Variants in ACP3 observed in about 807,000 individuals in gnomAD.
The protein encoded by ACP3 is acid phosphatase 3.
A neutral mutation model predicts 45.6 loss-of-function variants in ACP3; 38 were observed. The observed-to-expected ratio is 0.83, with a 90% confidence interval of 0.64 to 1.09. ACP3 has a LOEUF of 1.09. Among genes scored for constraint, ACP3 ranks in the 50% least tolerant of loss-of-function variants. The probability of loss-of-function intolerance (pLI) is 0.00; values close to 1 mark genes in which losing one functional copy is unlikely to be tolerated. For missense variants in ACP3, 466 were observed against 463.2 expected (o/e 1.01, Z -0.05); for synonymous variants, 162 against 164.7 (o/e 0.98, Z 0.13).
intron 7 of ACP3, 32 bp from the exon 8 acceptor site, chr3:132,349,888 T>C (rs1285760462): frequency 8.1e-6 from 12 of 1,477,776 alleles, no homozygotes; most frequent in Non-Finnish European, 1.0e-5. Context: ...TTATGTTTGG[T>C]TCAGTTTGGT....
chr3:132,361,619 T>C (rs2107822976), downstream of ACP3, among the ~76,000 whole-genome samples: 1 of 152,360 alleles, frequency 6.6e-6, no homozygotes, highest in East Asian at 1.9e-4. Flanking sequence ...TCAGTGTTTC[T>C]TGGTAAATGT....
At chr3:132,327,221 G>T (rs769519504) in intron 1 of ACP3, among the ~76,000 whole-genome samples, 8 of 152,154 alleles carry the variant, frequency 5.3e-5, no homozygotes, top group Non-Finnish European at 1.0e-4. Flanking sequence ...TATTTTTATT[G>T]TATATAAAAT....
At chr3:132,350,106 A>T in intron 8 of ACP3, 104 bp downstream of exon 8, 1 of 760,856 alleles carries the variant, frequency 1.3e-6, no homozygotes. Flanking sequence ...ATCTCCTTGT[A>T]CGTGGTAGGC....
chr3:132,360,905 A>G (rs1938028998), downstream of ACP3, among the ~76,000 whole-genome samples: 1 of 152,180 alleles, frequency 6.6e-6, no homozygotes, highest in Admixed American at 6.5e-5. Context: ...CCTTCAATCA[A>G]TATTTGCTAA....
At chr3:132,335,558 A>G (rs2107801557) in intron 4 of ACP3, among the ~76,000 whole-genome samples, 1 of 152,358 alleles carries the variant, frequency 6.6e-6, no homozygotes, top group South Asian at 2.1e-4. Flanking sequence ...TTTATATTTT[A>G]TAGGAAATAG....
chr3:132,350,822 G>A (rs775616923), intron 8 of ACP3, among the ~76,000 whole-genome samples: 4 of 152,190 alleles, frequency 2.6e-5, no homozygotes, highest in Non-Finnish European at 5.9e-5. Flanking sequence ...GGAGTGACAG[G>A]ATAGGAGCAG....
chr3:132,349,614 G>A (rs766857178), intron 7 of ACP3, among the ~76,000 whole-genome samples: 19 of 152,052 alleles, frequency 1.2e-4, no homozygotes, highest in Admixed American at 2.6e-4. Flanking sequence ...AACAAAACCC[G>A]GTATGGTAGA....
Position 132,351,093 on chromosome 3 carries a change from G to C in ACP3, c.864+1091G>C, listed in dbSNP as rs573188713. 1.4e-4 allele frequency among the ~76,000 whole-genome samples: 22 copies of C among 152,286 alleles called. No individual in the cohort carries two copies. In the East Asian group the frequency reaches 4.3e-3, roughly 29 times the overall value. Reference sequence around the variant, plus strand: ...TTTCAGTTTTCAGTGGCAGGAAGGAGGTGGTCTTGGGCCAGGCAAATGTAC... The same window carrying C: ...TTTCAGTTTTCAGTGGCAGGAAGGACGTGGTCTTGGGCCAGGCAAATGTAC... On this transcript the variant is annotated intron_variant, in intron 8 of 9. Coordinates refer to ENST00000336375, the MANE Select transcript of ACP3 (RefSeq NM_001099.5).
intron 1 of ACP3, among the ~76,000 whole-genome samples, chr3:132,324,193 G>C (rs565383677): frequency 4.0e-5 from 6 of 150,204 alleles, no homozygotes; most frequent in Admixed American, 6.6e-5. Flanking sequence ...ACTCCAGCCT[G>C]GGCAACAAGA....
At chr3:132,355,240 G>T (rs1008820207) in intron 9 of ACP3, among the ~76,000 whole-genome samples, 12 of 152,158 alleles carry the variant, frequency 7.9e-5, no homozygotes, top group African/African-American at 2.9e-4. Flanking sequence ...CTTTCTACTG[G>T]CTAAATTAGT....
chr3:132,332,266 A>G lies in ACP3; in HGVS notation c.378A>G (p.Pro126=), dbSNP rs149409115. 235 of 1,614,152 alleles carry G rather than the reference A, an allele frequency of 1.5e-4. No homozygotes were observed. The East Asian group carries it at 4.0e-3, about 27-fold the overall frequency. Residue 126 remains proline (P), a synonymous_variant, in exon 4 of 10, where the codon CCA becomes CCG. Transcript: ENST00000336375. ...CAAACCTGGCAGCCCTGTTTCCCCC[A>G]GAAGGTGTCAGCATCTGGAATCCTA... is the stretch of plus-strand genomic sequence containing the variant. ...AMTNLAALFP[P]EGVSIWNPIL...
intron 7 of ACP3, among the ~76,000 whole-genome samples, chr3:132,348,637 C>T (rs537272563): frequency 1.3e-5 from 2 of 152,280 alleles, no homozygotes; most frequent in African/African-American, 4.8e-5. Flanking sequence ...TTAGCACCAA[C>T]ATGGCATGTG....
intron 7 of ACP3, among the ~76,000 whole-genome samples, chr3:132,348,110 A>C (rs1002859684): frequency 6.6e-5 from 10 of 152,126 alleles, no homozygotes; most frequent in Admixed American, 2.6e-4. Flanking sequence ...CAGATTTTTT[A>C]ACCCACAAAG....
At chr3:132,327,297 C>G (rs1186770349) in intron 1 of ACP3, among the ~76,000 whole-genome samples, 1 of 152,086 alleles carries the variant, frequency 6.6e-6, no homozygotes, top group Non-Finnish European at 1.5e-5. Context: ...AGGTGGATCA[C>G]TAGGTCAGGA....
rs747998417 is a variant in ACP3, at chr3:132,328,349, G to C, written c.203G>C (p.Gly68Ala). 6.2e-7 allele frequency: 1 copy of C among 1,613,496 alleles called. No individual in the cohort carries two copies. The highest frequency in any genetic ancestry group is 8.5e-7 in the Non-Finnish European group (1 of 1,179,618). ...IKESSWPQGF[G>A]QLTQLGMEQH... ...GAATCCTCATGGCCACAAGGATTTG[G>C]CCAACTCACCCAGGTTGGTTGGACT... The change falls in exon 2 of 10, where the codon GGC becomes GCC. Residue 68 changes from glycine to alanine, a missense_variant. By Grantham distance (60) the Gly-to-Ala change is moderately conservative (BLOSUM62 0). Coordinates refer to ENST00000336375, the MANE Select transcript of ACP3 (RefSeq NM_001099.5).
intron 4 of ACP3, among the ~76,000 whole-genome samples, chr3:132,336,862 T>C (rs1937499365): frequency 6.6e-6 from 1 of 152,198 alleles, no homozygotes; most frequent in Non-Finnish European, 1.5e-5. Flanking sequence ...ACAGTTAAAA[T>C]TATAAAACAC....
chr3:132,331,700 A>C lies in ACP3; in HGVS notation c.270A>C (p.Arg90Ser). 1 of 1,608,986 alleles carries C rather than the reference A, an allele frequency of 6.2e-7. No individual in the cohort carries two copies. The highest frequency in any genetic ancestry group is 8.5e-7 in the Non-Finnish European group (1 of 1,178,888). Residue 90 changes from arginine (R) to serine (S), a missense_variant, in exon 3 of 10, where the codon AGA (arginine) becomes AGC (serine). Arg to Ser is a moderately radical substitution (Grantham distance 110, BLOSUM62 -1). Coordinates refer to ENST00000336375, the MANE Select transcript of ACP3 (RefSeq NM_001099.5). ...ELGEYIRKRYRKFLNESYKHE... is the reference protein window; with the variant it reads ...ELGEYIRKRYSKFLNESYKHE... The stretch of plus-strand genomic sequence containing the variant: ...GAGAGTATATAAGAAAGAGATATAG[A>C]AAATTCTTGAATGAGTCCTATAAAC...
chr3:132,331,758 A>G, intron 3 of ACP3, 25 bp downstream of exon 3: 1 of 1,542,108 alleles, frequency 6.5e-7, no homozygotes, highest in Non-Finnish European at 8.9e-7. Flanking sequence ...CAAGAGTGGG[A>G]ACTTTGATCT....
intron 4 of ACP3, among the ~76,000 whole-genome samples, chr3:132,332,929 G>A (rs1271531595): frequency 6.6e-6 from 1 of 152,124 alleles, no homozygotes; most frequent in Admixed American, 6.5e-5. Flanking sequence ...CAAACAAATT[G>A]GTCCAAAGCA....
Sources: gnomAD v4.1 joint callset for allele counts (sites outside exome capture counted in the v4.1 genomes callset) on GRCh38, gnomAD v4.1.1 for gene constraint, MANE v1.5 for transcripts, NCBI Gene and HGNC (gene_info 2026-07-23, HGNC 2026-07-21) for gene names.